PRELID2: variants seen among roughly 807,000 people sequenced by gnomAD.
PRELID2 encodes the protein PRELI domain containing 2.
In PRELID2, 25 loss-of-function variants were observed where a neutral mutation model predicts 28.4. The ratio of observed to expected loss-of-function variants is 0.88; its 90% confidence interval spans 0.64 to 1.23. The LOEUF is 1.23. PRELID2 is among the 50% of genes most tolerant of loss of function. The pLI, the probability that PRELID2 is intolerant of heterozygous loss-of-function variation, is 0.00. For synonymous variants in PRELID2, 76 were observed against 71.6 expected (o/e 1.06, Z -0.31); for missense variants, 201 against 214.4 (o/e 0.94, Z 0.39).
the PRELID2 span, among the ~76,000 whole-genome samples, chr5:145,427,145 G>A: frequency 6.6e-6 from 1 of 152,196 alleles, no homozygotes; most frequent in East Asian, 1.9e-4. Context: ...ATTGCTCCTG[G>A]AGTGTTAACA....
At chr5:145,292,101 G>A in the PRELID2 span, among the ~76,000 whole-genome samples, 3 of 151,516 alleles carry the variant, frequency 2.0e-5, no homozygotes, top group Non-Finnish European at 1.5e-5. Flanking sequence ...ATTTCTGTAG[G>A]CTCTACAAAA....
the PRELID2 span, among the ~76,000 whole-genome samples, chr5:145,303,935 C>T: frequency 1.3e-5 from 2 of 152,252 alleles, no homozygotes; most frequent in East Asian, 1.9e-4. Flanking sequence ...TAATTATGCT[C>T]AGCGACTATT....
At chr5:145,456,426 T>C in the PRELID2 span, among the ~76,000 whole-genome samples, 4 of 152,136 alleles carry the variant, frequency 2.6e-5, no homozygotes, top group African/African-American at 9.7e-5. Context: ...GGATAGCACT[T>C]ACCCAGCCAT....
chr5:145,761,374 G>A (rs752608492), intron 6 of PRELID2, among the ~76,000 whole-genome samples: 1 of 152,026 alleles, frequency 6.6e-6, no homozygotes, highest in Admixed American at 6.6e-5. Flanking sequence ...CACTGTTGCT[G>A]GTATTTTAAC....
chr5:145,762,193 TA>T (rs1725893545), intron 6 of PRELID2, among the ~76,000 whole-genome samples: 1 of 152,198 alleles, frequency 6.6e-6, no homozygotes, highest in African/African-American at 2.4e-5. Flanking sequence ...TGTCCTGTAC[TA>T]AACTCCTGGT....
the PRELID2 span, among the ~76,000 whole-genome samples, chr5:145,330,381 C>A: frequency 5.5e-4 from 84 of 152,158 alleles, 1 homozygote; most frequent in East Asian, 0.014. Flanking sequence ...TAGTAAAATT[C>A]GGCTGTGAAT....
At chr5:145,628,975 G>C (rs900366498) in intron 1 of PRELID2, among the ~76,000 whole-genome samples, 1 of 152,170 alleles carries the variant, frequency 6.6e-6, no homozygotes, top group Non-Finnish European at 1.5e-5. Flanking sequence ...TCAGAAAATG[G>C]GCAAGGAAGG....
At chr5:145,660,430 C>T (rs1754471006) in intron 1 of PRELID2, among the ~76,000 whole-genome samples, 1 of 152,160 alleles carries the variant, frequency 6.6e-6, no homozygotes, top group Non-Finnish European at 1.5e-5. Context: ...CTGGCTCCTC[C>T]TCCTAACCCT....
rs1409702272 is a variant in PRELID2, at chr5:145,835,193, G to A, written c.59C>T (p.Ala20Val). Residue 20 changes from alanine to valine, a missense_variant, in exon 1 of 7, where the codon GCC becomes GTC. Ala to Val is a moderately conservative substitution (Grantham distance 64). Transcript: ENST00000683046. ...GGGCGGTACCTTTCGGAGAAAGCTG[G>A]CGACCACCTGCTCGAAGGGGTACTT... The part of the protein sequence containing the change: ...VYKYPFEQVV[A>V]SFLRKYPNPM... The A allele has an allele frequency of 4.5e-6, 7 of 1,549,736 alleles. No individual in the cohort carries two copies. The highest frequency in any genetic ancestry group is 2.7e-5 in the African/African-American group (2 of 72,904).
chr5:145,452,655 G>A, the PRELID2 span, among the ~76,000 whole-genome samples: 1 of 152,084 alleles, frequency 6.6e-6, no homozygotes, highest in Non-Finnish European at 1.5e-5. Context: ...GGGTCTGTGT[G>A]TATCTTTTTA....
intron 1 of PRELID2, among the ~76,000 whole-genome samples, chr5:145,589,833 T>G (rs1026563463): frequency 1.3e-5 from 2 of 152,216 alleles, no homozygotes; most frequent in Admixed American, 6.5e-5. Flanking sequence ...GTTTTTATGT[T>G]AAGTTTGTAA....
At chr5:145,314,985 G>C in the PRELID2 span, among the ~76,000 whole-genome samples, 2,066 of 149,264 alleles carry the variant, frequency 0.014, 52 homozygotes, top group African/African-American at 0.047. Flanking sequence ...TTTGTTTTTT[G>C]ATCTTAAAAG....
intron 1 of PRELID2, among the ~76,000 whole-genome samples, chr5:145,503,084 G>T (rs569889896): frequency 6.6e-6 from 1 of 152,232 alleles, no homozygotes; most frequent in East Asian, 1.9e-4. Context: ...ATTCACAGGG[G>T]GTGGAGGCCT....
the PRELID2 span, among the ~76,000 whole-genome samples, chr5:145,386,547 G>A: frequency 6.6e-6 from 1 of 151,974 alleles, no homozygotes; most frequent in African/African-American, 2.4e-5. Context: ...GTTTCCTGAG[G>A]CCTCCCCAGC....
chr5:145,410,873 G>A, the PRELID2 span, among the ~76,000 whole-genome samples: 1 of 151,998 alleles, frequency 6.6e-6, no homozygotes. Flanking sequence ...TAACCCAAAA[G>A]CCCAAATCCA....
At chr5:145,498,230 C>A (rs1228567735) in intron 1 of PRELID2, among the ~76,000 whole-genome samples, 1 of 152,104 alleles carries the variant, frequency 6.6e-6, no homozygotes, top group Non-Finnish European at 1.5e-5. Flanking sequence ...AAGAACTCAG[C>A]AATTCTACTT....
At position 145,779,194 on chromosome 5, in the gene PRELID2, G is replaced by A. The variant is rs867987946; in HGVS notation, c.475-14194C>T. Among the ~76,000 whole-genome samples the A allele has an allele frequency of 7.2e-5, 11 of 152,116 alleles. No homozygotes were observed. The South Asian group carries it at 1.0e-3, about 14-fold the overall frequency. ...ATTCAATAAATATTTATTGAGCATTGATGATGTGCTAGGTACTAAGGATAA... is the reference window on the plus strand; with the variant it reads ...ATTCAATAAATATTTATTGAGCATTAATGATGTGCTAGGTACTAAGGATAA... On this transcript the variant is annotated intron_variant, in intron 5 of 6. Coordinates refer to ENST00000683046, the MANE Select transcript of PRELID2 (RefSeq NM_205846.3).
At chr5:145,694,800 GAA>G (rs111466637) in intron 1 of PRELID2, among the ~76,000 whole-genome samples, 6 of 140,820 alleles carry the variant, frequency 4.3e-5, no homozygotes, top group African/African-American at 1.3e-4. Context: ...GCATCCAAAG[GAA>G]AAAAAAAAAA....
At chr5:145,693,349 T>C (rs1350009480) in intron 1 of PRELID2, among the ~76,000 whole-genome samples, 4 of 151,986 alleles carry the variant, frequency 2.6e-5, no homozygotes, top group Middle Eastern at 3.2e-3. Flanking sequence ...GGTTTCACCA[T>C]GTTGCCCAGG....
Sources: allele counts gnomAD v4.1 joint callset (sites outside exome capture counted in the v4.1 genomes callset), GRCh38; gene constraint gnomAD v4.1.1; transcripts MANE v1.5; gene names NCBI Gene and HGNC (gene_info 2026-07-23, HGNC 2026-07-21).